AUTS2: variants seen among roughly 807,000 people sequenced by gnomAD.
The protein encoded by AUTS2 is autism susceptibility gene 2 protein.
AUTS2 carries 17 observed loss-of-function variants against 112.4 expected under a neutral mutation model. The ratio of observed to expected loss-of-function variants is 0.15; its 90% CI spans 0.10 to 0.23. The LOEUF (loss-of-function observed/expected upper bound fraction) is 0.23, where lower values mean the gene tolerates loss of function less well. Among genes scored for constraint, AUTS2 ranks in the 10% least tolerant of loss-of-function variants. AUTS2 has a pLI of 1.00. For missense variants in AUTS2, 1,510 were observed against 1,701.6 expected (o/e 0.89, Z 1.98); for synonymous variants, 751 against 702.7 (o/e 1.07, Z -1.09).
Position 70,219,350 on chromosome 7 carries a change from A to G in AUTS2, c.660+84779A>G, listed in dbSNP as rs1357814303. 6.6e-5 allele frequency among the ~76,000 whole-genome samples: 10 copies of G among 152,340 alleles called. No homozygotes were observed. The South Asian group carries it at 8.3e-4, about 13-fold the overall frequency. On this transcript the variant is annotated intron_variant, in intron 4 of 18. Coordinates refer to ENST00000342771, the MANE Select transcript of AUTS2 (RefSeq NM_015570.4). ...CTAATTAGCCAGAACAACATGTTGT[A>G]TAATCCACAAAACTGTCGCTCATGC...
chr7:70,678,600 G>C (rs771036615), intron 5 of AUTS2, among the ~76,000 whole-genome samples: 1 of 152,214 alleles, frequency 6.6e-6, no homozygotes, highest in Non-Finnish European at 1.5e-5. Flanking sequence ...CCATTCTAGA[G>C]ATAAAGAAAC....
intron 2 of AUTS2, among the ~76,000 whole-genome samples, chr7:69,946,870 G>A (rs1457082320): frequency 6.6e-6 from 1 of 152,182 alleles, no homozygotes; most frequent in Non-Finnish European, 1.5e-5. Context: ...CTGGTTGGTA[G>A]ATTTCTGGTG....
Position 69,846,098 on chromosome 7 carries a change from A to ATTT in AUTS2, c.310-53178_310-53176dup, listed in dbSNP as rs35234562. Among the ~76,000 whole-genome samples, 19 of 147,192 alleles carry ATTT rather than the reference A, an allele frequency of 1.3e-4. 1 individual carries two copies. In the South Asian group the frequency reaches 3.9e-3, roughly 30 times the overall value. On this transcript the variant is annotated intron_variant, in intron 1 of 18. Coordinates refer to ENST00000342771, the MANE Select transcript of AUTS2 (RefSeq NM_015570.4). ...ATGATTTCTTTCAAGTTTATTTGGG[A>ATTT]TTTTTTTTTTTTGGTCTGTGCCTTT...
At chr7:70,394,889 A>G (rs1249064581) in intron 4 of AUTS2, among the ~76,000 whole-genome samples, 1 of 151,992 alleles carries the variant, frequency 6.6e-6, no homozygotes, top group Non-Finnish European at 1.5e-5. Context: ...ACCAACCTGG[A>G]CAATATAACA....
chr7:70,406,529 G>C (rs1157776685), intron 4 of AUTS2, among the ~76,000 whole-genome samples: 1 of 152,216 alleles, frequency 6.6e-6, no homozygotes, highest in Non-Finnish European at 1.5e-5. Context: ...CATCTGTTGA[G>C]AAGAACAGTG....
At chr7:69,668,908 T>C (rs1004998984) in intron 1 of AUTS2, among the ~76,000 whole-genome samples, 5 of 152,152 alleles carry the variant, frequency 3.3e-5, no homozygotes, top group East Asian at 1.9e-4. Flanking sequence ...TGATCACATA[T>C]GTAAAAATCA....
At chr7:70,196,224 T>C (rs903200092) in intron 4 of AUTS2, among the ~76,000 whole-genome samples, 3 of 152,216 alleles carry the variant, frequency 2.0e-5, no homozygotes, top group African/African-American at 7.2e-5. Flanking sequence ...GTGTGGTGTT[T>C]AGGCAGACTG....
Position 70,599,115 on chromosome 7 carries a change from C to T in AUTS2, c.691-99454C>T, listed in dbSNP as rs574214972. On this transcript the variant is annotated intron_variant, in intron 5 of 18. Coordinates refer to ENST00000342771, the MANE Select transcript of AUTS2 (RefSeq NM_015570.4). ...AGGCTGTGTAGTGGGTATCAGTCAGCACTTGTCTGCTGGTTGCACAATGCA... is the reference window on the plus strand; with the variant it reads ...AGGCTGTGTAGTGGGTATCAGTCAGTACTTGTCTGCTGGTTGCACAATGCA... 9.8e-4 allele frequency among the ~76,000 whole-genome samples: 149 copies of T among 152,312 alleles called. 2 individuals carry two copies. Among genetic ancestry groups the T allele is most frequent in the Middle Eastern group, 6.8e-3 (2 of 294 alleles).
intron 1 of AUTS2, among the ~76,000 whole-genome samples, chr7:69,690,247 G>A (rs920096691): frequency 7.2e-5 from 11 of 152,172 alleles, no homozygotes; most frequent in Non-Finnish European, 1.5e-4. Context: ...TTTTCATGGA[G>A]TATCCTACAT....
chr7:69,657,116 C>T (rs1795575965), intron 1 of AUTS2, among the ~76,000 whole-genome samples: 1 of 152,172 alleles, frequency 6.6e-6, no homozygotes, highest in South Asian at 2.1e-4. Flanking sequence ...GCTCCCGGCT[C>T]CTTCAGCTTT....
intron 1 of AUTS2, among the ~76,000 whole-genome samples, chr7:69,797,791 A>AT (rs1371530786): frequency 1.2e-4 from 18 of 152,094 alleles, no homozygotes; most frequent in Non-Finnish European, 2.2e-4. Context: ...ATCCCAAAAC[A>AT]TTTTTTTTCC....
intron 18 of AUTS2, among the ~76,000 whole-genome samples, chr7:70,788,467 A>ATGTT (rs1274914224): frequency 6.6e-6 from 1 of 152,206 alleles, no homozygotes; most frequent in African/African-American, 2.4e-5. Context: ...ACTGGGAGGA[A>ATGTT]TGTTTATGAC....
At chr7:70,232,858 T>C (rs556429864) in intron 4 of AUTS2, among the ~76,000 whole-genome samples, 1 of 152,208 alleles carries the variant, frequency 6.6e-6, no homozygotes, top group African/African-American at 2.4e-5. Flanking sequence ...CAGGTAGCAG[T>C]TGATGCTCAA....
chr7:69,671,105 G>T (rs1490261434), intron 1 of AUTS2, among the ~76,000 whole-genome samples: 1 of 152,206 alleles, frequency 6.6e-6, no homozygotes, highest in Admixed American at 6.5e-5. Flanking sequence ...GTGGACAGGT[G>T]TGTGAGTTAA....
chr7:70,115,031 C>T (rs1805286736), intron 2 of AUTS2, among the ~76,000 whole-genome samples: 1 of 152,114 alleles, frequency 6.6e-6, no homozygotes, highest in African/African-American at 2.4e-5. Flanking sequence ...GAAGAGAATT[C>T]ACTGAAGTGT....
chr7:70,439,769 A>G (rs1158332935), intron 5 of AUTS2, among the ~76,000 whole-genome samples: 1 of 152,164 alleles, frequency 6.6e-6, no homozygotes. Flanking sequence ...TATTTGGCCT[A>G]TATTTTATTG....
intron 1 of AUTS2, among the ~76,000 whole-genome samples, chr7:69,737,190 G>A (rs1005511727): frequency 6.6e-6 from 1 of 152,138 alleles, no homozygotes; most frequent in Non-Finnish European, 1.5e-5. Context: ...ATCCTTCTAT[G>A]TTGTGCGAGT....
At position 69,827,997 on chromosome 7, in the gene AUTS2, T is replaced by A. The variant is rs896633217; in HGVS notation, c.310-71289T>A. Among the ~76,000 whole-genome samples the A allele has an allele frequency of 3.9e-5, 6 of 152,360 alleles. No homozygotes were observed. In the South Asian group the frequency reaches 8.3e-4, roughly 21 times the overall value. On this transcript the variant is annotated intron_variant, in intron 1 of 18. Coordinates refer to ENST00000342771, the MANE Select transcript of AUTS2 (RefSeq NM_015570.4). Reference sequence around the variant, plus strand: ...TCAAATCACATTACATAATACAGGCTGGGGACCAGCATTCCGTGAGGACTT... The same window carrying A: ...TCAAATCACATTACATAATACAGGCAGGGGACCAGCATTCCGTGAGGACTT...
chr7:69,714,736 C>T (rs1798519335), intron 1 of AUTS2, among the ~76,000 whole-genome samples: 2 of 151,928 alleles, frequency 1.3e-5, no homozygotes, highest in Non-Finnish European at 2.9e-5. Flanking sequence ...TTTCTGTATC[C>T]ACAAAAATGT....
Sources: gnomAD v4.1 joint callset for allele counts (sites outside exome capture counted in the v4.1 genomes callset) on GRCh38, gnomAD v4.1.1 for gene constraint, MANE v1.5 for transcripts, NCBI Gene and HGNC (gene_info 2026-07-23, HGNC 2026-07-21) for gene names.